The following GZF1 variants were observed in gnomAD, a reference collection of about 807,000 sequenced individuals.
GZF1 encodes the protein GDNF inducible zinc finger protein 1, also known as GDNF-inducible zinc finger protein 1.
In GZF1, 28 loss-of-function variants were observed where a neutral mutation model predicts 49.4. The observed-to-expected ratio is 0.57, with a 90% confidence interval of 0.42 to 0.78. GZF1 has a LOEUF of 0.78. GZF1 is among the 30% of genes least tolerant of loss of function. GZF1 has a pLI of 0.00. For synonymous variants in GZF1, 364 were observed against 356.0 expected (o/e 1.02, Z -0.25); for missense variants, 798 against 916.2 (o/e 0.87, Z 1.67).
Position 23,369,731 on chromosome 20 carries a change from G to A in GZF1, c.1775G>A (p.Arg592Gln), listed in dbSNP as rs1981847743. Residue 592 changes from arginine (R) to glutamine (Q), a missense_variant, in exon 5 of 6, where the codon CGG (arginine) becomes CAG (glutamine). Transcript: ENST00000338121. ...TTCACCGACAAGTCCACTCTTCGGCGGCACACCTCAGTAAGCAGTGGGTTG... is the reference window on the plus strand; with the variant it reads ...TTCACCGACAAGTCCACTCTTCGGCAGCACACCTCAGTAAGCAGTGGGTTG... The part of the protein sequence containing the change: ...RTFTDKSTLR[R>Q]HTSIHDKNTP... The A allele has an allele frequency of 3.1e-6, 5 of 1,610,818 alleles. No homozygotes were observed. Among genetic ancestry groups the A allele is most frequent in the Non-Finnish European group, 4.2e-6 (5 of 1,178,192 alleles).
chr20:23,362,526 T>C, intron 1 of GZF1: 1 of 153,606 alleles, frequency 6.5e-6, no homozygotes, highest in Non-Finnish European at 1.4e-5. Context: ...GCGGGAAGGG[T>C]GGGAGGTGCC....
chr20:23,369,789 T>G (rs1164654493), intron 5 of GZF1, 48 bp downstream of exon 5: 1 of 1,565,504 alleles, frequency 6.4e-7, no homozygotes, highest in Non-Finnish European at 8.7e-7. Context: ...TGCCCTTAGA[T>G]GCACGGAAAG....
chr20:23,361,496 C>G (rs542146313), upstream of GZF1, among the ~76,000 whole-genome samples: 1 of 152,216 alleles, frequency 6.6e-6, no homozygotes, highest in Non-Finnish European at 1.5e-5. Flanking sequence ...GAAATAAAGC[C>G]CTGCAGTAAA....
Position 23,370,233 on chromosome 20 carries a change from A to C in GZF1, c.1928A>C (p.Glu643Ala). 3 of 1,614,240 alleles carry C rather than the reference A, an allele frequency of 1.9e-6. No homozygotes were observed. Among genetic ancestry groups the C allele is most frequent in the Non-Finnish European group, 2.5e-6 (3 of 1,180,042 alleles). The change falls in exon 6 of 6, where the codon GAA (glutamate) becomes GCA (alanine). Residue 643 changes from glutamate to alanine, a missense_variant. Coordinates refer to ENST00000338121, the MANE Select transcript of GZF1 (RefSeq NM_022482.5). ...TCGGATAAATTGCTGTCTTTTGCAG[A>C]AAATGGCCATTTCCACAACCTGGCT... ...KLSDKLLSFA[E>A]NGHFHNLAAV...
At chr20:23,366,840 CAGTT>C (rs1254846434) in intron 2 of GZF1, among the ~76,000 whole-genome samples, 159 bp from the exon 3 acceptor site, 1 of 152,074 alleles carries the variant, frequency 6.6e-6, no homozygotes, top group African/African-American at 2.4e-5. Context: ...TGCAGAAACT[CAGTT>C]TATTTTGGGA....
Position 23,372,050 on chromosome 20 carries a change from CAAAT to C in GZF1, c.*1616_*1619del, listed in dbSNP as rs1433898089. ...CTGTATCCTAGTTATGTTTACAGCA[CAAAT>C]AAATAATGACTGTCATACATCCAGA... On this transcript the variant is annotated 3_prime_UTR_variant, in exon 6 of 6. Coordinates refer to ENST00000338121, the MANE Select transcript of GZF1 (RefSeq NM_022482.5). 7 of 152,562 alleles carry C rather than the reference CAAAT, an allele frequency of 4.6e-5. No homozygotes were observed. Among genetic ancestry groups the C allele is most frequent in the South Asian group, 2.1e-4 (1 of 4,834 alleles). 9.5% of individuals were successfully genotyped at this position (152,562 alleles called of 1,614,324 possible).
At position 23,365,718 on chromosome 20, in the gene GZF1, G is replaced by A. The variant is rs758591239; in HGVS notation, c.1335G>A (p.Ser445=). The change falls in exon 2 of 6, where the codon TCG becomes TCA. Residue 445 remains serine, a synonymous_variant. Transcript: ENST00000338121. The part of the protein sequence containing the change: ...YGCTECGARF[S]QPSALKTHMR... ...GCACCGAGTGCGGCGCCAGGTTCTC[G>A]CAGCCGTCCGCGCTCAAGACGCACA... 5.2e-6 allele frequency: 8 copies of A among 1,552,380 alleles called. No individual in the cohort carries two copies. The highest frequency in any genetic ancestry group is 2.3e-5 in the East Asian group (1 of 44,308).
Position 23,365,040 on chromosome 20 carries a change from C to T in GZF1, c.657C>T (p.Ile219=), listed in dbSNP as rs1255320438. The change falls in exon 2 of 6, where the codon ATC becomes ATT. Residue 219 remains isoleucine, a synonymous_variant. Coordinates refer to ENST00000338121, the MANE Select transcript of GZF1 (RefSeq NM_022482.5). Reference sequence around the variant, plus strand: ...TAGTTAAACCTCCCTACCCTAAAATCAGGAGAGCTAGTGGAAGGCTGGCTG... The same window carrying T: ...TAGTTAAACCTCCCTACCCTAAAATTAGGAGAGCTAGTGGAAGGCTGGCTG... ...KEVVKPPYPK[I]RRASGRLAGR... 6.2e-7 allele frequency: 1 copy of T among 1,614,114 alleles called. No individual in the cohort carries two copies. Among genetic ancestry groups the T allele is most frequent in the South Asian group, 1.1e-5 (1 of 91,076 alleles).
intron 3 of GZF1, among the ~76,000 whole-genome samples, 198 bp from the exon 4 acceptor site, chr20:23,368,564 G>A (rs1344066310): frequency 6.6e-6 from 1 of 152,110 alleles, no homozygotes; most frequent in African/African-American, 2.4e-5. Flanking sequence ...AATTTCCAAG[G>A]ATATTTTACA....
At chr20:23,366,054 T>C (rs1600534033) in intron 2 of GZF1, among the ~76,000 whole-genome samples, 1 of 152,184 alleles carries the variant, frequency 6.6e-6, no homozygotes, top group South Asian at 2.1e-4. Flanking sequence ...TTATTTCTCC[T>C]TTCCTGACTC....
chr20:23,363,005 C>T (rs1490424527), intron 1 of GZF1, among the ~76,000 whole-genome samples: 1 of 152,172 alleles, frequency 6.6e-6, no homozygotes, highest in African/African-American at 2.4e-5. Context: ...CTTCCTTAGG[C>T]TTTGTCAGTG....
Position 23,368,761 on chromosome 20 carries a change from G to A in GZF1, c.1460-1G>A. On this transcript the variant is annotated splice_acceptor_variant, in intron 3 of 5. Transcript: ENST00000338121. LOFTEE classifies it high-confidence loss of function. Reference sequence around the variant, plus strand: ...TGACTTTATTTCATTTTCTCATGTAGGTGAAAGACCTTTTATGTGTGAAAC... The same window carrying A: ...TGACTTTATTTCATTTTCTCATGTAAGTGAAAGACCTTTTATGTGTGAAAC... The A allele has an allele frequency of 6.2e-7, 1 of 1,601,400 alleles. No individual in the cohort carries two copies. Among genetic ancestry groups the A allele is most frequent in the Non-Finnish European group, 8.5e-7 (1 of 1,173,604 alleles).
chr20:23,364,760 T>G lies in GZF1; in HGVS notation c.377T>G (p.Phe126Cys). ...TGTTTGGATTTATCAGAAACTTGTTTTCAATTAAAGAAACAGATGTTAGAG... is the reference window on the plus strand; with the variant it reads ...TGTTTGGATTTATCAGAAACTTGTTGTCAATTAAAGAAACAGATGTTAGAG... ...LKCLDLSETC[F>C]QLKKQMLESV... The change falls in exon 2 of 6, where the codon TTT becomes TGT. Residue 126 changes from phenylalanine (F) to cysteine (C), a missense_variant. Physicochemically the swap from Phe to Cys is radical, Grantham distance 205 (BLOSUM62 -2). Coordinates refer to ENST00000338121, the MANE Select transcript of GZF1 (RefSeq NM_022482.5). The G allele has an allele frequency of 6.2e-7, 1 of 1,614,274 alleles. No homozygotes were observed.
At chr20:23,367,155 T>A (rs978766404) in intron 3 of GZF1, 58 bp downstream of exon 3, 1 of 1,242,856 alleles carries the variant, frequency 8.0e-7, no homozygotes, top group African/African-American at 1.5e-5. Context: ...GGAAATGCAA[T>A]TGATTAATTT....
upstream of GZF1, among the ~76,000 whole-genome samples, chr20:23,361,206 A>C (rs1009654105): frequency 6.6e-6 from 1 of 152,234 alleles, no homozygotes; most frequent in Non-Finnish European, 1.5e-5. Flanking sequence ...GACAAGGCTG[A>C]GTTAACTGCT....
chr20:23,361,793 T>C (rs574089573), upstream of GZF1, among the ~76,000 whole-genome samples: 20 of 152,334 alleles, frequency 1.3e-4, no homozygotes, highest in African/African-American at 4.8e-4. Flanking sequence ...GACCGCAGGC[T>C]GCTGGGGCCC....
chr20:23,371,474 G>C lies in GZF1; in HGVS notation c.*1033G>C, dbSNP rs114755628. Reference sequence around the variant, plus strand: ...GAGCATGTGAGAACATAGCAGTAGGGACCAAAAGTCTCAGCACACTTACCT... The same window carrying C: ...GAGCATGTGAGAACATAGCAGTAGGCACCAAAAGTCTCAGCACACTTACCT... On this transcript the variant is annotated 3_prime_UTR_variant, in exon 6 of 6. Coordinates refer to ENST00000338121, the MANE Select transcript of GZF1 (RefSeq NM_022482.5). 3.9e-5 allele frequency: 6 copies of C among 152,712 alleles called. No individual in the cohort carries two copies. The highest frequency in any genetic ancestry group is 1.4e-4 in the African/African-American group (6 of 41,556). 9.5% of individuals were successfully genotyped at this position (152,712 alleles called of 1,614,324 possible).
chr20:23,363,116 T>G (rs149108204), intron 1 of GZF1: 11 of 152,354 alleles, frequency 7.2e-5, no homozygotes, highest in African/African-American at 2.6e-4. Flanking sequence ...TTTTCCATGT[T>G]TGAGGGACTG....
In GZF1 at chr20:23,364,569, A is replaced by G; in HGVS notation, c.186A>G (p.Glu62=). Residue 62 remains glutamate, a synonymous_variant, in exon 2 of 6, where the codon GAA becomes GAG. Transcript: ENST00000338121. The part of the protein sequence containing the change: ...VLAATSKFFK[E]VFLNEKSVDG... ...CTGCCACCAGCAAGTTTTTTAAGGA[A>G]GTGTTCCTTAATGAGAAGAGTGTGG... 6.2e-7 allele frequency: 1 copy of G among 1,614,238 alleles called. No homozygotes were observed. Among genetic ancestry groups the G allele is most frequent in the Non-Finnish European group, 8.5e-7 (1 of 1,180,044 alleles).
Sources: allele counts gnomAD v4.1 joint callset (sites outside exome capture counted in the v4.1 genomes callset), GRCh38; gene constraint gnomAD v4.1.1; transcripts MANE v1.5; gene names NCBI Gene and HGNC (gene_info 2026-07-23, HGNC 2026-07-21).